PACSIN2: variants seen among roughly 807,000 people sequenced by gnomAD.
The protein encoded by PACSIN2 is protein kinase C and casein kinase substrate in neurons 2.
Under a neutral mutation model 63.8 loss-of-function variants are expected in PACSIN2, and 25 were observed. That is an observed-to-expected ratio of 0.39 (90% CI 0.29 to 0.55). PACSIN2 has a LOEUF of 0.55. PACSIN2 is among the 20% of genes least tolerant of loss of function. PACSIN2 has a pLI of 0.62. For synonymous variants in PACSIN2, 255 were observed against 256.2 expected, an observed-to-expected ratio of 1.00 and a Z score of 0.05; for missense variants, 518 against 646.9, an observed-to-expected ratio of 0.80 and a Z score of 2.16.
chr22:42,930,044 T>C (rs995475773), intron 1 of PACSIN2, among the ~76,000 whole-genome samples: 1 of 152,188 alleles, frequency 6.6e-6, no homozygotes, highest in African/African-American at 2.4e-5. Flanking sequence ...TTTATTTTTG[T>C]GTCCCAATCC....
chr22:42,933,570 A>G (rs1331964988), intron 1 of PACSIN2, among the ~76,000 whole-genome samples: 1 of 152,166 alleles, frequency 6.6e-6, no homozygotes, highest in Non-Finnish European at 1.5e-5. Flanking sequence ...AACTCCTCCC[A>G]AGCAAAAGCA....
intron 1 of PACSIN2, among the ~76,000 whole-genome samples, chr22:42,985,535 G>A (rs1922544677): frequency 6.6e-6 from 1 of 152,192 alleles, no homozygotes; most frequent in Admixed American, 6.5e-5. Flanking sequence ...CAGCACCTAG[G>A]TGCAACTGAA....
chr22:42,910,072 A>G (rs547057508), intron 2 of PACSIN2, among the ~76,000 whole-genome samples: 1 of 152,356 alleles, frequency 6.6e-6, no homozygotes, highest in East Asian at 1.9e-4. Context: ...AAGAAAAATC[A>G]GTAACTTGCC....
chr22:43,012,645 C>T (rs569767608), intron 1 of PACSIN2, among the ~76,000 whole-genome samples: 88 of 151,900 alleles, frequency 5.8e-4, no homozygotes, highest in African/African-American at 2.0e-3. Flanking sequence ...CACCACTACG[C>T]CAGACTAATT....
At chr22:42,903,255 G>A (rs540516766) in intron 2 of PACSIN2, among the ~76,000 whole-genome samples, 3 of 152,284 alleles carry the variant, frequency 2.0e-5, no homozygotes, top group Admixed American at 6.5e-5. Flanking sequence ...ACCTTCCCTG[G>A]GGAGGGTGTG....
At chr22:42,963,586 C>T (rs896928598) in intron 1 of PACSIN2, among the ~76,000 whole-genome samples, 1 of 152,172 alleles carries the variant, frequency 6.6e-6, no homozygotes, top group African/African-American at 2.4e-5. Flanking sequence ...GCTTGTACCA[C>T]GTTTACCACG....
chr22:42,930,640 T>C (rs1932764203), intron 1 of PACSIN2, among the ~76,000 whole-genome samples: 3 of 152,306 alleles, frequency 2.0e-5, no homozygotes, highest in Admixed American at 2.0e-4. Flanking sequence ...GGCACGCTCA[T>C]AAAAAGCAAA....
At chr22:42,954,598 T>C (rs1300293803) in intron 1 of PACSIN2, among the ~76,000 whole-genome samples, 1 of 152,206 alleles carries the variant, frequency 6.6e-6, no homozygotes, top group Non-Finnish European at 1.5e-5. Flanking sequence ...CTCACTATGT[T>C]GTCCAGACTG....
intron 6 of PACSIN2, among the ~76,000 whole-genome samples, chr22:42,882,944 C>T (rs1041370728): frequency 6.6e-5 from 10 of 152,132 alleles, no homozygotes; most frequent in African/African-American, 2.4e-4. Context: ...TGGGCATGAT[C>T]CCCTCCATCA....
chr22:42,943,915 T>C (rs1474092112), intron 1 of PACSIN2, among the ~76,000 whole-genome samples: 3 of 152,214 alleles, frequency 2.0e-5, no homozygotes, highest in Admixed American at 2.0e-4. Context: ...AAAATCTTAT[T>C]ACCTAAAATA....
At position 43,009,863 on chromosome 22, in the gene PACSIN2, C is replaced by CTTTT. The variant is rs762256300; in HGVS notation, c.-78+5157_-78+5158insAAAA. Among the ~76,000 whole-genome samples, 68 of 131,788 alleles carry CTTTT rather than the reference C, an allele frequency of 5.2e-4. 6 individuals carry two copies. The highest frequency in any genetic ancestry group is 7.1e-4 in the Non-Finnish European group (45 of 63,094). 86.5% of individuals were successfully genotyped at this position (131,788 alleles called of 152,430 possible). A position where few individuals can be genotyped will look rare whatever the true frequency, so the allele number is the denominator to read the frequency against. On this transcript the variant is annotated intron_variant, in intron 1 of 10. Transcript: ENST00000263246. ...TAGTTGAGACATCATTTTATTTTTT[C>CTTTT]TATTTTTTTTTTTTTTTTTTTTTGA...
chr22:42,989,849 C>A (rs1922892816), intron 1 of PACSIN2, among the ~76,000 whole-genome samples: 1 of 135,104 alleles, frequency 7.4e-6, no homozygotes, highest in African/African-American at 3.1e-5. Context: ...AACTCATTCT[C>A]TTGGAGGGGG....
chr22:43,005,278 A>G (rs1924022058), intron 1 of PACSIN2, among the ~76,000 whole-genome samples: 1 of 152,234 alleles, frequency 6.6e-6, no homozygotes, highest in African/African-American at 2.4e-5. Flanking sequence ...CACTACGTGT[A>G]GTCAAGCAAC....
intron 1 of PACSIN2, among the ~76,000 whole-genome samples, chr22:43,013,878 G>A (rs1924666557): frequency 6.6e-6 from 1 of 152,162 alleles, no homozygotes; most frequent in African/African-American, 2.4e-5. Context: ...GACAGGCGGA[G>A]GGAAAAAGAG....
chr22:42,942,978 T>C (rs374538877), intron 1 of PACSIN2, among the ~76,000 whole-genome samples: 96 of 152,362 alleles, frequency 6.3e-4, no homozygotes, highest in South Asian at 4.3e-3. Context: ...GTAGCTCAAT[T>C]TGAGGAGTAC....
intron 1 of PACSIN2, among the ~76,000 whole-genome samples, chr22:42,923,867 T>C (rs905656150): frequency 6.6e-6 from 1 of 151,990 alleles, no homozygotes; most frequent in Non-Finnish European, 1.5e-5. Context: ...TGAGATCCCA[T>C]CTCTAAAATA....
At chr22:42,980,820 G>A (rs1307760693) in intron 1 of PACSIN2, among the ~76,000 whole-genome samples, 3 of 76,746 alleles carry the variant, frequency 3.9e-5, no homozygotes, top group African/African-American at 1.1e-4. Context: ...GTGCAGTGGC[G>A]TGATCTCGGC....
At chr22:42,879,279 T>C in intron 7 of PACSIN2, 110 bp from the exon 8 acceptor site, 1 of 1,186,720 alleles carries the variant, frequency 8.4e-7, no homozygotes, top group Non-Finnish European at 1.2e-6. Context: ...GTGCATCTGA[T>C]GTGTAGACTC....
At chr22:42,916,190 C>T (rs914427605) in intron 1 of PACSIN2, among the ~76,000 whole-genome samples, 12 of 152,186 alleles carry the variant, frequency 7.9e-5, no homozygotes, top group African/African-American at 2.2e-4. Context: ...GGCCGTGGCA[C>T]GGCCTACCTC....
Sources: allele counts gnomAD v4.1 joint callset (sites outside exome capture counted in the v4.1 genomes callset), GRCh38; gene constraint gnomAD v4.1.1; transcripts MANE v1.5; gene names NCBI Gene and HGNC (gene_info 2026-07-23, HGNC 2026-07-21).